The following LRMDA variants were observed in gnomAD, a reference collection of about 807,000 sequenced individuals.
The protein encoded by LRMDA is leucine-rich melanocyte differentiation-associated protein.
Under a neutral mutation model 29.8 loss-of-function variants are expected in LRMDA, and 18 were observed. The observed-to-expected ratio is 0.60, with a 90% CI of 0.42 to 0.90. The LOEUF (loss-of-function observed/expected upper bound fraction) is 0.90. Ranked by LOEUF, LRMDA falls within the 40% of genes least tolerant of loss-of-function variation. The pLI, the probability that LRMDA is intolerant of heterozygous loss-of-function variation, is 0.00. For missense variants in LRMDA, 273 were observed against 273.9 expected (o/e 1.00, Z 0.02); for synonymous variants, 125 against 109.4 (o/e 1.14, Z -0.89).
At chr10:75,657,922 A>G (rs1262925940) in intron 2 of LRMDA, among the ~76,000 whole-genome samples, 2 of 152,116 alleles carry the variant, frequency 1.3e-5, no homozygotes, top group East Asian at 3.9e-4. Flanking sequence ...ATGCTCTGCC[A>G]TGGTTCTGTA....
At chr10:75,935,940 A>G (rs1846283680) in intron 2 of LRMDA, among the ~76,000 whole-genome samples, 1 of 152,134 alleles carries the variant, frequency 6.6e-6, no homozygotes, top group South Asian at 2.1e-4. Flanking sequence ...GGGCACATCA[A>G]ATCAGAGGTT....
chr10:75,504,861 G>A (rs1340249126), intron 2 of LRMDA, among the ~76,000 whole-genome samples: 1 of 152,058 alleles, frequency 6.6e-6, no homozygotes, highest in Non-Finnish European at 1.5e-5. Context: ...TAAATCAGGG[G>A]ACTTTTATCA....
chr10:75,866,628 C>T (rs964344217), intron 2 of LRMDA, among the ~76,000 whole-genome samples: 2 of 152,148 alleles, frequency 1.3e-5, no homozygotes, highest in African/African-American at 4.8e-5. Context: ...ATTAACCTGG[C>T]CAACCTGATT....
chr10:76,264,371 C>T (rs918064790), intron 5 of LRMDA, among the ~76,000 whole-genome samples: 45 of 116,166 alleles, frequency 3.9e-4, no homozygotes, highest in African/African-American at 1.4e-3. Flanking sequence ...TGTACCACTA[C>T]ACTCCAGCCT....
At chr10:76,312,369 G>T (rs969097768) in intron 5 of LRMDA, among the ~76,000 whole-genome samples, 2 of 152,074 alleles carry the variant, frequency 1.3e-5, no homozygotes, top group African/African-American at 4.8e-5. Flanking sequence ...CAAGCAGAGG[G>T]TCTGATGTAT....
intron 2 of LRMDA, among the ~76,000 whole-genome samples, chr10:75,918,403 G>A (rs542853875): frequency 6.6e-6 from 1 of 152,240 alleles, no homozygotes; most frequent in African/African-American, 2.4e-5. Flanking sequence ...ACGGTGGAAG[G>A]CAAAGAGGGA....
intron 5 of LRMDA, among the ~76,000 whole-genome samples, chr10:76,095,944 GAA>G (rs759972561): frequency 4.7e-5 from 6 of 127,934 alleles, no homozygotes; most frequent in Admixed American, 7.9e-5. Context: ...CTCCGTCTCA[GAA>G]AAAAAAAAAA....
At chr10:75,698,758 C>T (rs1156467297) in intron 2 of LRMDA, among the ~76,000 whole-genome samples, 1 of 151,808 alleles carries the variant, frequency 6.6e-6, no homozygotes, top group Admixed American at 6.6e-5. Flanking sequence ...TTTAAAAACC[C>T]TCAAAAAGCA....
In LRMDA at chr10:76,024,040, C is replaced by T. The variant is rs117569111; in HGVS notation, c.132-11968C>T. On this transcript the variant is annotated intron_variant, in intron 2 of 6. Transcript: ENST00000611255. Reference sequence around the variant, plus strand: ...TTTCCAAGTGTTATTTTTCCAAAGTCTTAGCTCACAAAACCAGGACTTGAA... The same window carrying T: ...TTTCCAAGTGTTATTTTTCCAAAGTTTTAGCTCACAAAACCAGGACTTGAA... 7.2e-4 allele frequency among the ~76,000 whole-genome samples: 110 copies of T among 152,330 alleles called. No individual in the cohort carries two copies. The East Asian group carries it at 0.014, about 19-fold the overall frequency.
At chr10:75,723,925 T>C (rs757550959) in intron 2 of LRMDA, among the ~76,000 whole-genome samples, 48 of 152,200 alleles carry the variant, frequency 3.2e-4, no homozygotes, top group Non-Finnish European at 5.9e-4. Flanking sequence ...AAATTGAACA[T>C]GACACACCAG....
At chr10:75,621,730 G>C (rs913331058) in intron 2 of LRMDA, among the ~76,000 whole-genome samples, 2 of 152,174 alleles carry the variant, frequency 1.3e-5, no homozygotes, top group African/African-American at 2.4e-5. Flanking sequence ...AGCTCTCTGA[G>C]CCACCTTTGA....
chr10:76,456,273 T>C (rs1279766080), intron 6 of LRMDA, among the ~76,000 whole-genome samples: 3 of 152,202 alleles, frequency 2.0e-5, no homozygotes, highest in African/African-American at 7.2e-5. Flanking sequence ...AAATATATTC[T>C]GTAATTGGGC....
chr10:76,314,548 A>G (rs1840668422), intron 5 of LRMDA, among the ~76,000 whole-genome samples: 1 of 152,254 alleles, frequency 6.6e-6, no homozygotes, highest in African/African-American at 2.4e-5. Flanking sequence ...GAAGAGTTGG[A>G]AAGTGACTGC....
chr10:75,716,960 A>G (rs1452518274), intron 2 of LRMDA, among the ~76,000 whole-genome samples: 1 of 152,188 alleles, frequency 6.6e-6, no homozygotes, highest in African/African-American at 2.4e-5. Flanking sequence ...AATCTCACCA[A>G]CATGACTCAG....
At chr10:75,677,284 C>T (rs927538296) in intron 2 of LRMDA, among the ~76,000 whole-genome samples, 2 of 152,096 alleles carry the variant, frequency 1.3e-5, no homozygotes, top group African/African-American at 2.4e-5. Flanking sequence ...AGAAGAGTTA[C>T]ACGGGCTGGC....
chr10:76,458,092 G>A (rs539262526), intron 6 of LRMDA, among the ~76,000 whole-genome samples: 44 of 147,036 alleles, frequency 3.0e-4, no homozygotes, highest in African/African-American at 1.1e-3. Flanking sequence ...CACTTGGATC[G>A]AAGCTTGTTT....
At chr10:76,115,986 C>T (rs947946888) in intron 5 of LRMDA, among the ~76,000 whole-genome samples, 4 of 152,170 alleles carry the variant, frequency 2.6e-5, no homozygotes, top group Non-Finnish European at 5.9e-5. Flanking sequence ...GCATCAAGTA[C>T]TGCCAGCTCA....
chr10:75,510,480 G>T (rs1356598233), intron 2 of LRMDA, among the ~76,000 whole-genome samples: 4 of 152,228 alleles, frequency 2.6e-5, no homozygotes, highest in Non-Finnish European at 1.5e-5. Flanking sequence ...GGTGTTAATG[G>T]TTGCTTAAGA....
chr10:75,871,043 A>G (rs1282637788), intron 2 of LRMDA, among the ~76,000 whole-genome samples: 1 of 151,916 alleles, frequency 6.6e-6, no homozygotes, highest in African/African-American at 2.4e-5. Flanking sequence ...ATCCATTCCC[A>G]TCTCCCTAGT....
Sources: gnomAD v4.1 joint callset for allele counts (sites outside exome capture counted in the v4.1 genomes callset) on GRCh38, gnomAD v4.1.1 for gene constraint, MANE v1.5 for transcripts, NCBI Gene and HGNC (gene_info 2026-07-23, HGNC 2026-07-21) for gene names.